The following COPA variants were observed in gnomAD, a reference collection of about 807,000 sequenced individuals.
The protein encoded by COPA is coatomer subunit alpha.
COPA carries 10 observed loss-of-function variants against 158.7 expected under a neutral mutation model. That is an observed-to-expected ratio of 0.06 (90% confidence interval 0.04 to 0.11). The LOEUF (loss-of-function observed/expected upper bound fraction) is 0.11. COPA is among the 10% of genes least tolerant of loss of function. The pLI is 1.00. For missense variants in COPA, 1,065 were observed against 1,536.7 expected (o/e 0.69, Z 5.13); for synonymous variants, 462 against 542.8 (o/e 0.85, Z 2.07).
intron 8 of COPA, among the ~76,000 whole-genome samples, chr1:160,318,492 C>CAAAAAA (rs1184111001): frequency 1.7e-5 from 1 of 58,078 alleles, no homozygotes; most frequent in East Asian, 4.3e-4. Flanking sequence ...AAAAAAAAAA[C>CAAAAAA]AAAAAAAAAA....
At chr1:160,296,240 C>T (rs778718622) in intron 21 of COPA, 91 bp from the exon 22 acceptor site, 7 of 1,041,476 alleles carry the variant, frequency 6.7e-6, no homozygotes, top group South Asian at 5.3e-5. Context: ...CCAGTAATCC[C>T]TGACTCCTGG....
At chr1:160,294,339 T>G (rs1658332983) in intron 25 of COPA, 145 bp downstream of exon 25, 1 of 673,776 alleles carries the variant, frequency 1.5e-6, no homozygotes, top group Admixed American at 2.5e-5. Flanking sequence ...TAGGAGGGTC[T>G]AGTCCCCTTC....
chr1:160,301,979 A>G (rs569538444), intron 17 of COPA, among the ~76,000 whole-genome samples: 2 of 152,266 alleles, frequency 1.3e-5, no homozygotes, highest in African/African-American at 2.4e-5. Context: ...CCTTTAAGTT[A>G]GGAATAAGAC....
chr1:160,330,302 G>A (rs993080664), intron 6 of COPA, among the ~76,000 whole-genome samples: 20 of 152,202 alleles, frequency 1.3e-4, no homozygotes, highest in African/African-American at 4.8e-4. Context: ...TACTGGCAGT[G>A]AGGAGAGGAC....
intron 9 of COPA, 35 bp from the exon 10 acceptor site, chr1:160,313,202 T>A: frequency 6.3e-7 from 1 of 1,580,684 alleles, no homozygotes; most frequent in Non-Finnish European, 8.7e-7. Context: ...AACATTAATT[T>A]CCTAGGAATC....
At chr1:160,333,965 ATG>A (rs59237821) in intron 4 of COPA, among the ~76,000 whole-genome samples, 6,779 of 151,018 alleles carry the variant, frequency 0.045, 490 homozygotes, top group African/African-American at 0.15. Context: ...TTACTTCTAT[ATG>A]TGTGTGTGTG....
intron 7 of COPA, among the ~76,000 whole-genome samples, chr1:160,325,018 T>C (rs1387893665): frequency 5.3e-5 from 8 of 152,208 alleles, no homozygotes; most frequent in Admixed American, 5.2e-4. Context: ...TTACATTTAT[T>C]TACTAGATAT....
chr1:160,307,304 G>T, intron 13 of COPA, 59 bp from the exon 14 acceptor site: 2 of 1,529,450 alleles, frequency 1.3e-6, no homozygotes, highest in Non-Finnish European at 1.8e-6. Flanking sequence ...AGGTGACATA[G>T]TCGGGTGCCA....
At chr1:160,291,105 A>C (rs1658215672) in intron 31 of COPA, among the ~76,000 whole-genome samples, 1 of 152,216 alleles carries the variant, frequency 6.6e-6, no homozygotes, top group African/African-American at 2.4e-5. Flanking sequence ...CAGTGGAGCT[A>C]TTCTAGGTTG....
chr1:160,340,482 T>C (rs1163532228), intron 1 of COPA, among the ~76,000 whole-genome samples, 188 bp from the exon 2 acceptor site: 1 of 152,222 alleles, frequency 6.6e-6, no homozygotes, highest in Non-Finnish European at 1.5e-5. Context: ...GTCATATTCC[T>C]TTACATATTC....
intron 15 of COPA, 64 bp from the exon 16 acceptor site, chr1:160,305,837 A>G (rs1207085463): frequency 3.1e-6 from 4 of 1,305,014 alleles, no homozygotes; most frequent in Non-Finnish European, 4.4e-6. Context: ...GCTTTGATCT[A>G]CATCAATTGC....
At chr1:160,304,608 G>A (rs904573941) in intron 17 of COPA, among the ~76,000 whole-genome samples, 11 of 151,954 alleles carry the variant, frequency 7.2e-5, no homozygotes, top group African/African-American at 2.7e-4. Context: ...AGGTTGCAGT[G>A]AGCCAAGGTC....
Position 160,339,955 on chromosome 1 carries a change from T to C in COPA, c.182A>G (p.Lys61Arg), listed in dbSNP as rs1349528889. The C allele has an allele frequency of 6.2e-7, 1 of 1,614,002 alleles. No individual in the cohort carries two copies. Among genetic ancestry groups the C allele is most frequent in the African/African-American group, 1.3e-5 (1 of 74,940 alleles). Residue 61 changes from lysine (K) to arginine (R), a missense_variant, in exon 3 of 33, where the codon AAG becomes AGG. Lys to Arg is a conservative substitution (Grantham distance 26, BLOSUM62 2). Transcript: ENST00000241704. ...DGPVRGIDFH[K>R]QQPLFVSGGD... The stretch of plus-strand genomic sequence containing the variant: ...TCCAGAGACGAACAGTGGCTGCTGC[T>C]TATGGAAGTCAATGCCTCGCACTGG...
chr1:160,293,427 C>A lies in COPA; in HGVS notation c.2713G>T (p.Gly905Cys), dbSNP rs1459238441. The A allele has an allele frequency of 6.2e-7, 1 of 1,610,804 alleles. No homozygotes were observed. The highest frequency in any genetic ancestry group is 2.2e-5 in the East Asian group (1 of 44,864). Residue 905 changes from glycine to cysteine, a missense_variant, in exon 26 of 33, where the codon GGT (glycine) becomes TGT (cysteine). Gly to Cys is a radical substitution (Grantham distance 159, BLOSUM62 -3). Transcript: ENST00000241704. ...CCCTTGGTTGGGGGCACAAAGAAAC[C>A]ATCTTCAGCCCCACCAGCTGCCCCA... is the stretch of plus-strand genomic sequence containing the variant. ...SPGAAGGAEDGFFVPPTKGTS... is the reference protein window; with the variant it reads ...SPGAAGGAEDCFFVPPTKGTS...
rs1000426487 is a variant in COPA at position 160,289,478 on chromosome 1, A to C, written c.*679T>G. On this transcript the variant is annotated 3_prime_UTR_variant, in exon 33 of 33. Transcript: ENST00000241704. ...GAGTTGGTGTGGCCTAGTCACACCA[A>C]AATGTATTTATTACATCCTGCTCCT... 1 of 152,218 alleles carries C rather than the reference A, an allele frequency of 6.6e-6. No individual in the cohort carries two copies. Among genetic ancestry groups the C allele is most frequent in the Non-Finnish European group, 1.5e-5 (1 of 68,040 alleles). The allele number at this position is 152,218 out of a possible 1,614,324, so 9.4% of individuals were successfully genotyped here.
chr1:160,307,552 A>T (rs1658830071), intron 13 of COPA, among the ~76,000 whole-genome samples: 1 of 152,230 alleles, frequency 6.6e-6, no homozygotes, highest in African/African-American at 2.4e-5. Flanking sequence ...CCATCAAGCT[A>T]ACGAGCAGGG....
chr1:160,329,764 G>A (rs1647417439), intron 6 of COPA, among the ~76,000 whole-genome samples: 1 of 152,190 alleles, frequency 6.6e-6, no homozygotes, highest in African/African-American at 2.4e-5. Context: ...GCCACTGAAA[G>A]TACTTTCTAT....
intron 18 of COPA, 22 bp downstream of exon 18, chr1:160,299,080 A>G: frequency 6.2e-7 from 1 of 1,611,232 alleles, no homozygotes; most frequent in Non-Finnish European, 8.5e-7. Flanking sequence ...TTAATACTCT[A>G]GTTTGCATCC....
chr1:160,318,468 T>TA (rs71090307), intron 8 of COPA, among the ~76,000 whole-genome samples: 1,005 of 15,336 alleles, frequency 0.066, 62 homozygotes, highest in East Asian at 0.12. Context: ...ACAATATTTG[T>TA]AAAAAAAAAA....
Sources: gnomAD v4.1 joint callset for allele counts (sites outside exome capture counted in the v4.1 genomes callset) on GRCh38, gnomAD v4.1.1 for gene constraint, MANE v1.5 for transcripts, NCBI Gene and HGNC (gene_info 2026-07-23, HGNC 2026-07-21) for gene names.